ASIC2: variants seen among roughly 807,000 people sequenced by gnomAD.
ASIC2 encodes the protein acid-sensing ion channel 2.
Under a neutral mutation model 57.3 loss-of-function variants are expected in ASIC2, and 25 were observed. The ratio of observed to expected loss-of-function variants is 0.44; its 90% CI spans 0.32 to 0.61. The LOEUF is 0.61. Ranked by LOEUF, ASIC2 falls within the 20% of genes least tolerant of loss-of-function variation. ASIC2 has a pLI of 0.06. For synonymous variants in ASIC2, 319 were observed against 307.5 expected (o/e 1.04, Z -0.39); for missense variants, 641 against 738.1 (o/e 0.87, Z 1.52).
chr17:33,521,691 G>A (rs975344545), intron 1 of ASIC2, among the ~76,000 whole-genome samples: 3 of 152,218 alleles, frequency 2.0e-5, no homozygotes, highest in Non-Finnish European at 4.4e-5. Flanking sequence ...TGAGTTCTGG[G>A]AGGGGAAGGA....
intron 3 of ASIC2, among the ~76,000 whole-genome samples, chr17:33,030,571 G>T (rs1488315700): frequency 6.6e-6 from 1 of 152,082 alleles, no homozygotes; most frequent in African/African-American, 2.4e-5. Context: ...GAATAAAACT[G>T]GAGAGAGAGG....
At chr17:33,829,204 T>C (rs997261473) in intron 1 of ASIC2, among the ~76,000 whole-genome samples, 4 of 152,142 alleles carry the variant, frequency 2.6e-5, no homozygotes, top group Non-Finnish European at 5.9e-5. Context: ...GTTGATGAGA[T>C]CCACCCTTAG....
intron 1 of ASIC2, among the ~76,000 whole-genome samples, chr17:33,756,447 C>A (rs545443448): frequency 4.9e-4 from 74 of 152,336 alleles, no homozygotes; most frequent in Non-Finnish European, 9.0e-4. Flanking sequence ...AGGGAGGGGA[C>A]CTGTTTCAGA....
At chr17:33,282,987 C>T (rs1278256861) in intron 1 of ASIC2, among the ~76,000 whole-genome samples, 1 of 152,180 alleles carries the variant, frequency 6.6e-6, no homozygotes, top group Non-Finnish European at 1.5e-5. Context: ...GGGATGAGGT[C>T]ATGGGCATCT....
rs115431428 is a variant in ASIC2, at chr17:33,924,720, G to C, written c.555+231258C>G. Among the ~76,000 whole-genome samples, 1,204 of 152,244 alleles carry C rather than the reference G, an allele frequency of 7.9e-3. 22 individuals are homozygous for C. Among genetic ancestry groups the C allele is most frequent in the African/African-American group, 0.027 (1,108 of 41,536 alleles). The stretch of plus-strand genomic sequence containing the variant: ...ACAGCAGAGAGAGGATGCAAGTGCT[G>C]GTTGGCCATATGTGCTTGGACAAAG... On this transcript the variant is annotated intron_variant, in intron 1 of 9. Coordinates refer to the ASIC2 transcript ENST00000359872.
At chr17:33,104,480 TCCTCAGTGGTG>T (rs2092227239) in intron 2 of ASIC2, among the ~76,000 whole-genome samples, 1 of 152,202 alleles carries the variant, frequency 6.6e-6, no homozygotes, top group East Asian at 1.9e-4. Flanking sequence ...AAACAGGGCA[TCCTCAGTGGTG>T]CCTCAGGGTT....
intron 1 of ASIC2, among the ~76,000 whole-genome samples, chr17:33,480,483 G>A (rs941532815): frequency 2.6e-5 from 4 of 152,118 alleles, no homozygotes; most frequent in Non-Finnish European, 5.9e-5. Flanking sequence ...CTTCATAAAC[G>A]AGGAATTGGA....
chr17:33,453,487 G>C (rs1233268974), intron 1 of ASIC2, among the ~76,000 whole-genome samples: 2 of 152,124 alleles, frequency 1.3e-5, no homozygotes, highest in African/African-American at 2.4e-5. Flanking sequence ...TGAAGCGGAA[G>C]ATGTTCTCAG....
intron 1 of ASIC2, among the ~76,000 whole-genome samples, chr17:34,113,375 A>G (rs923350376): frequency 6.6e-6 from 1 of 152,138 alleles, no homozygotes; most frequent in Non-Finnish European, 1.5e-5. Flanking sequence ...AGGCTGGGCA[A>G]CATAGCAAGA....
intron 1 of ASIC2, among the ~76,000 whole-genome samples, chr17:33,974,909 T>C (rs1011456160): frequency 1.3e-5 from 2 of 152,192 alleles, no homozygotes; most frequent in African/African-American, 4.8e-5. Flanking sequence ...CTTCCTCTCC[T>C]GCTTCAATTT....
At chr17:33,847,848 T>G (rs955808427) in intron 1 of ASIC2, among the ~76,000 whole-genome samples, 1 of 151,632 alleles carries the variant, frequency 6.6e-6, no homozygotes, top group Non-Finnish European at 1.5e-5. Context: ...AAAAAGAAGA[T>G]CAAGTGTTAG....
chr17:33,489,940 T>A (rs953441151), intron 1 of ASIC2, among the ~76,000 whole-genome samples: 1 of 152,228 alleles, frequency 6.6e-6, no homozygotes, highest in Non-Finnish European at 1.5e-5. Flanking sequence ...CCCACTTTAT[T>A]CCACGATCTT....
At chr17:33,692,342 C>T (rs1413608991) in intron 1 of ASIC2, 2 of 152,054 alleles carry the variant, frequency 1.3e-5, no homozygotes, top group African/African-American at 4.8e-5. Flanking sequence ...ATATACTATA[C>T]ATTATTCCTA....
At chr17:33,981,160 C>A (rs936754232) in intron 1 of ASIC2, among the ~76,000 whole-genome samples, 1 of 151,922 alleles carries the variant, frequency 6.6e-6, no homozygotes, top group East Asian at 1.9e-4. Flanking sequence ...CCATGTTGGC[C>A]AGGATGATCT....
At chr17:33,600,608 C>T (rs896077492) in intron 1 of ASIC2, among the ~76,000 whole-genome samples, 1 of 152,022 alleles carries the variant, frequency 6.6e-6, no homozygotes, top group Admixed American at 6.6e-5. Context: ...CCCATTTATG[C>T]CTGAGGTGGC....
intron 1 of ASIC2, among the ~76,000 whole-genome samples, chr17:33,773,304 G>A (rs1008388804): frequency 5.3e-5 from 8 of 152,046 alleles, no homozygotes; most frequent in Non-Finnish European, 8.8e-5. Flanking sequence ...CTTGCAATAA[G>A]GTAAGAGCTA....
intron 1 of ASIC2, among the ~76,000 whole-genome samples, chr17:33,504,022 C>T (rs946912329): frequency 6.6e-6 from 1 of 152,196 alleles, no homozygotes; most frequent in Admixed American, 6.5e-5. Flanking sequence ...GATATTTATG[C>T]TTTTCAAGAG....
intron 1 of ASIC2, among the ~76,000 whole-genome samples, chr17:33,464,867 G>A (rs1426962825): frequency 6.6e-6 from 1 of 151,848 alleles, no homozygotes; most frequent in African/African-American, 2.4e-5. Context: ...TGAGTCATAG[G>A]AGTCCTTGAC....
At chr17:33,394,505 C>A (rs561005922) in intron 1 of ASIC2, among the ~76,000 whole-genome samples, 8 of 152,268 alleles carry the variant, frequency 5.3e-5, no homozygotes, top group African/African-American at 1.9e-4. Flanking sequence ...TTGGAAAACA[C>A]TTGGTCAAGG....
Sources: gnomAD v4.1 joint callset for allele counts (sites outside exome capture counted in the v4.1 genomes callset) on GRCh38, gnomAD v4.1.1 for gene constraint, MANE v1.5 for transcripts, NCBI Gene and HGNC (gene_info 2026-07-23, HGNC 2026-07-21) for gene names.